NDUFAF5: variants seen among roughly 807,000 people sequenced by gnomAD.
NDUFAF5 encodes the protein NADH:ubiquinone oxidoreductase complex assembly factor 5, also known as arginine-hydroxylase NDUFAF5, mitochondrial.
Under a neutral mutation model 48.9 loss-of-function variants are expected in NDUFAF5, and 34 were observed. That is an observed-to-expected ratio of 0.70 (90% CI 0.53 to 0.93). The LOEUF (loss-of-function observed/expected upper bound fraction) is 0.93, where lower values mean the gene tolerates loss of function less well. Ranked by LOEUF, NDUFAF5 falls within the 40% of genes least tolerant of loss-of-function variation. NDUFAF5 has a pLI of 0.00. For synonymous variants in NDUFAF5, 153 were observed against 150.6 expected (o/e 1.02, Z -0.12); for missense variants, 428 against 427.5 (o/e 1.00, Z -0.01).
rs885796 is a variant in NDUFAF5, at chr20:13,808,601, A to G, written c.718-241A>G. On this transcript the variant is annotated intron_variant, in intron 7 of 10. Coordinates refer to ENST00000378106, the MANE Select transcript of NDUFAF5 (RefSeq NM_024120.5). ...TACTCTTATTCTGTGTGGTTCCCAA[A>G]GAGAGAACTAGAACCAATGATGGAG... Among the ~76,000 whole-genome samples, 142,611 of 152,156 alleles carry G rather than the reference A, an allele frequency of 0.94. 67,018 individuals are homozygous for G. The highest frequency in any genetic ancestry group is 0.98 in the African/African-American group (40,601 of 41,534).
chr20:13,809,470 A>C (rs1300911934), intron 8 of NDUFAF5, among the ~76,000 whole-genome samples: 1 of 152,228 alleles, frequency 6.6e-6, no homozygotes, highest in Non-Finnish European at 1.5e-5. Context: ...CAGCATATGC[A>C]AAGGCCCTCC....
At chr20:13,796,591 T>C (rs1600342824) in intron 5 of NDUFAF5, among the ~76,000 whole-genome samples, 1 of 152,286 alleles carries the variant, frequency 6.6e-6, no homozygotes, top group East Asian at 1.9e-4. Context: ...GGGGAGGCAG[T>C]TATACCAGAA....
chr20:13,814,535 T>A (rs181503157), intron 8 of NDUFAF5: 25 of 1,150,402 alleles, frequency 2.2e-5, no homozygotes, highest in Non-Finnish European at 2.7e-5. Context: ...GTTATTTTTT[T>A]AAACAATACT....
intron 3 of NDUFAF5, among the ~76,000 whole-genome samples, chr20:13,791,623 A>C (rs1048125690): frequency 6.6e-6 from 1 of 152,234 alleles, no homozygotes; most frequent in African/African-American, 2.4e-5. Context: ...GAAAGCAAAA[A>C]TGTGCTGAAG....
At chr20:13,793,258 A>G (rs747783720) in intron 4 of NDUFAF5, 31 bp downstream of exon 4, 1 of 1,535,108 alleles carries the variant, frequency 6.5e-7, no homozygotes, top group Non-Finnish European at 9.0e-7. Context: ...GTTGGTTTCT[A>G]ATCTCGTGAT....
chr20:13,814,369 C>T (rs1227654015), intron 8 of NDUFAF5: 7 of 939,722 alleles, frequency 7.4e-6, no homozygotes, highest in South Asian at 2.8e-5. Context: ...TATTTTTTTT[C>T]TTAATGGTTG....
Position 13,816,936 on chromosome 20 carries a change from A to T in NDUFAF5, c.924A>T (p.Gly308=), listed in dbSNP as rs1019926112. The T allele has an allele frequency of 6.2e-7, 1 of 1,606,472 alleles. No individual in the cohort carries two copies. Residue 308 remains glycine, a synonymous_variant, in exon 10 of 11, where the codon GGA becomes GGT. Coordinates refer to ENST00000378106, the MANE Select transcript of NDUFAF5 (RefSeq NM_024120.5). ...PATYQIYYMI[G]WKYHESQARP... ...CATACCAGATCTATTACATGATAGG[A>T]TGGAAATATCATGAGTCACAGGTAA...
chr20:13,793,450 A>G (rs920340794), intron 4 of NDUFAF5, among the ~76,000 whole-genome samples: 1 of 152,190 alleles, frequency 6.6e-6, no homozygotes, highest in Non-Finnish European at 1.5e-5. Flanking sequence ...TTGCAGACAT[A>G]TAACTGTCCC....
At chr20:13,812,671 G>T (rs1402226520) in intron 8 of NDUFAF5, among the ~76,000 whole-genome samples, 2 of 152,086 alleles carry the variant, frequency 1.3e-5, no homozygotes, top group African/African-American at 4.8e-5. Context: ...AATTTTACCG[G>T]TGAGCAAATT....
Position 13,818,255 on chromosome 20 carries a change from A to T in NDUFAF5, c.*1045A>T, listed in dbSNP as rs1274830641. The T allele has an allele frequency of 2.2e-6, 1 of 453,764 alleles. No individual in the cohort carries two copies. Among genetic ancestry groups the T allele is most frequent in the Non-Finnish European group, 4.4e-6 (1 of 226,738 alleles). The allele number at this position is 453,764 out of a possible 1,614,324, so 28.1% of individuals were successfully genotyped here. A position where few individuals can be genotyped will look rare whatever the true frequency, so the allele number is the denominator to read the frequency against. On this transcript the variant is annotated 3_prime_UTR_variant, in exon 11 of 11. Transcript: ENST00000378106. ...TATTCAGTTACATTTTGAACTAATT[A>T]TATAACAAACTTGCCCTTTGAAAGA...
intron 8 of NDUFAF5, among the ~76,000 whole-genome samples, chr20:13,815,242 T>A (rs1986327569): frequency 6.6e-6 from 1 of 152,204 alleles, no homozygotes; most frequent in African/African-American, 2.4e-5. Context: ...GAGACCCAGT[T>A]TACCTCTGGT....
Position 13,818,314 on chromosome 20 carries a change from GA to G in NDUFAF5, c.*1109del. On this transcript the variant is annotated 3_prime_UTR_variant, in exon 11 of 11. Transcript: ENST00000378106. ...TAGTTAAAAACCAAGATTTGTAGGA[GA>G]AAAAGAAATTATTGTTCCCTTCAGT... 1 of 432,382 alleles carries G rather than the reference GA, an allele frequency of 2.3e-6. No individual in the cohort carries two copies. Among genetic ancestry groups the G allele is most frequent in the Non-Finnish European group, 4.6e-6 (1 of 216,488 alleles). The allele number at this position is 432,382 out of a possible 1,614,324, so 26.8% of individuals were successfully genotyped here.
chr20:13,800,915 C>G lies in NDUFAF5; in HGVS notation c.520-571C>G, dbSNP rs551643280. Among the ~76,000 whole-genome samples the G allele has an allele frequency of 7.2e-5, 11 of 152,302 alleles. No homozygotes were observed. The East Asian group carries it at 2.1e-3, about 29-fold the overall frequency. On this transcript the variant is annotated intron_variant, in intron 6 of 10. Transcript: ENST00000378106. ...TCTCTCCTCCTCCTCTAGGCTAGCT[C>G]AGGCTTGTTCACACATCGTGGCTGG...
chr20:13,819,100 A>G lies in NDUFAF5; in HGVS notation c.*1890A>G, dbSNP rs748018381. On this transcript the variant is annotated 3_prime_UTR_variant, in exon 11 of 11. Coordinates refer to ENST00000378106, the MANE Select transcript of NDUFAF5 (RefSeq NM_024120.5). Reference sequence around the variant, plus strand: ...CTTATTGTTTAATGTGAGTGATTGTAGTGAAAACACTTATTTTAGTGTGTA... The same window carrying G: ...CTTATTGTTTAATGTGAGTGATTGTGGTGAAAACACTTATTTTAGTGTGTA... The G allele has an allele frequency of 7.2e-5, 11 of 152,234 alleles. No individual in the cohort carries two copies. The highest frequency in any genetic ancestry group is 1.2e-4 in the Non-Finnish European group (8 of 68,050). 9.4% of individuals were successfully genotyped at this position (152,234 alleles called of 1,614,324 possible).
intron 5 of NDUFAF5, among the ~76,000 whole-genome samples, chr20:13,796,660 C>T (rs919951476): frequency 2.6e-5 from 4 of 152,138 alleles, no homozygotes; most frequent in African/African-American, 9.7e-5. Flanking sequence ...CGCATGACTA[C>T]ACTCTAGGTG....
intron 8 of NDUFAF5, among the ~76,000 whole-genome samples, chr20:13,809,180 G>A (rs1405567882): frequency 6.6e-6 from 1 of 152,216 alleles, no homozygotes; most frequent in Non-Finnish European, 1.5e-5. Flanking sequence ...TGCTACGGCT[G>A]TTTGTAAAAA....
intron 3 of NDUFAF5, 78 bp downstream of exon 3, chr20:13,788,730 T>C: frequency 1.1e-6 from 1 of 939,880 alleles, no homozygotes; most frequent in South Asian, 1.4e-5. Context: ...CTAATCAGTT[T>C]AGCTTGCAAC....
rs543144225 is a variant in NDUFAF5, at chr20:13,801,495, A to G, written c.529A>G (p.Ile177Val). ...CTTGTATTTATTACAGATTCATTAT[A>G]TTTTAAAACCAGATGGAGTGTTTAT... ...LPRALEQIHY[I>V]LKPDGVFIGA... Residue 177 changes from isoleucine (I) to valine (V), a missense_variant, in exon 7 of 11, where the codon ATT (isoleucine) becomes GTT (valine). Ile to Val is a conservative substitution (Grantham distance 29). Coordinates refer to ENST00000378106, the MANE Select transcript of NDUFAF5 (RefSeq NM_024120.5). 21 of 1,607,736 alleles carry G rather than the reference A, an allele frequency of 1.3e-5. No individual in the cohort carries two copies. In the East Asian group the frequency reaches 3.6e-4, roughly 27 times the overall value.
chr20:13,800,331 A>G (rs986689015), intron 6 of NDUFAF5, among the ~76,000 whole-genome samples: 11 of 152,232 alleles, frequency 7.2e-5, no homozygotes, highest in African/African-American at 2.4e-4. Flanking sequence ...CAAATTATTT[A>G]CTTAATACTG....
Sources: gnomAD v4.1 joint callset for allele counts (sites outside exome capture counted in the v4.1 genomes callset) on GRCh38, gnomAD v4.1.1 for gene constraint, MANE v1.5 for transcripts, NCBI Gene and HGNC (gene_info 2026-07-23, HGNC 2026-07-21) for gene names.